Variants in PTPRG observed in about 807,000 individuals in gnomAD.
PTPRG encodes the protein protein tyrosine phosphatase receptor type G.
In PTPRG, 102 loss-of-function variants were observed where a neutral mutation model predicts 165.3. The ratio of observed to expected loss-of-function variants is 0.62; its 90% CI spans 0.53 to 0.73. The LOEUF is 0.73. Among genes scored for constraint, PTPRG ranks in the 30% least tolerant of loss-of-function variants. The pLI, the probability that PTPRG is intolerant of heterozygous loss-of-function variation, is 0.00. For missense variants in PTPRG, 1,866 were observed against 1,861.4 expected, an observed-to-expected ratio of 1.00 and a Z score of -0.05; for synonymous variants, 675 against 669.5, an observed-to-expected ratio of 1.01 and a Z score of -0.13.
chr3:62,286,590 G>A (rs59755614), intron 28 of PTPRG, among the ~76,000 whole-genome samples: 2,489 of 151,936 alleles, frequency 0.016, 67 homozygotes, highest in African/African-American at 0.057. Context: ...TACTTCAGGA[G>A]CTTAAAGTAC....
intron 2 of PTPRG, among the ~76,000 whole-genome samples, chr3:61,752,810 A>AAAAAAG (rs2033495014): frequency 6.7e-6 from 1 of 150,312 alleles, no homozygotes; most frequent in African/African-American, 2.5e-5. Flanking sequence ...AAGAAAAAAA[A>AAAAAAG]AAAGAAAATA....
chr3:61,665,050 G>C (rs540561071), intron 1 of PTPRG, among the ~76,000 whole-genome samples: 36 of 152,234 alleles, frequency 2.4e-4, no homozygotes, highest in Middle Eastern at 3.4e-3. Context: ...ACCCTCACAA[G>C]AGGATCCATG....
intron 2 of PTPRG, among the ~76,000 whole-genome samples, chr3:61,768,253 G>A (rs1164984527): frequency 6.6e-6 from 1 of 152,188 alleles, no homozygotes; most frequent in African/African-American, 2.4e-5. Context: ...TCACAGGTAT[G>A]ATGTATGTCT....
chr3:61,728,887 AAAAAAG>A (rs1451930945), intron 1 of PTPRG, among the ~76,000 whole-genome samples: 45 of 151,416 alleles, frequency 3.0e-4, no homozygotes, highest in African/African-American at 7.5e-4. Context: ...AAAAAAAAAA[AAAAAAG>A]AAAGAAAGAA....
At chr3:62,109,735 C>T (rs1014281374) in intron 5 of PTPRG, among the ~76,000 whole-genome samples, 1 of 152,142 alleles carries the variant, frequency 6.6e-6, no homozygotes, top group Non-Finnish European at 1.5e-5. Context: ...ACCAGTGCCA[C>T]TCATCTCAGC....
intron 2 of PTPRG, among the ~76,000 whole-genome samples, chr3:61,917,817 T>C (rs900909947): frequency 2.0e-5 from 3 of 152,104 alleles, no homozygotes; most frequent in African/African-American, 7.2e-5. Context: ...CTTGTAATCC[T>C]AGCTACCAGG....
chr3:61,869,560 T>A (rs2037503268), intron 2 of PTPRG, among the ~76,000 whole-genome samples: 1 of 151,000 alleles, frequency 6.6e-6, no homozygotes, highest in Admixed American at 6.6e-5. Context: ...TCATTAACCC[T>A]CCCCTCCCCT....
At chr3:61,568,727 G>C (rs1297513471) in intron 1 of PTPRG, among the ~76,000 whole-genome samples, 2 of 151,994 alleles carry the variant, frequency 1.3e-5, no homozygotes, top group Non-Finnish European at 2.9e-5. Context: ...GGCCAATATA[G>C]TGAAACCCTG....
At chr3:61,950,828 G>C (rs374041695) in intron 2 of PTPRG, among the ~76,000 whole-genome samples, 1 of 152,232 alleles carries the variant, frequency 6.6e-6, no homozygotes, top group African/African-American at 2.4e-5. Flanking sequence ...AAACTGGGAA[G>C]AGAGCTCAGT....
chr3:62,257,655 C>T (rs1290580645), intron 16 of PTPRG, among the ~76,000 whole-genome samples: 1 of 152,118 alleles, frequency 6.6e-6, no homozygotes, highest in Non-Finnish European at 1.5e-5. Context: ...TCCAGACTCT[C>T]ATTAAAGTAG....
intron 2 of PTPRG, among the ~76,000 whole-genome samples, chr3:61,906,778 TGTAGGTAGGTAGGTAGGTAG>T (rs71123239): frequency 0.12 from 17,187 of 146,892 alleles, 1,666 homozygotes; most frequent in African/African-American, 0.26. Context: ...AGTGAGACCC[TGTAGGTAGGTAGGTAGGTAG>T]GTAGGTAGGT....
rs1700535044 is a variant in PTPRG at position 62,217,256 on chromosome 3, A to G, written c.2156-1595A>G. On this transcript the variant is annotated intron_variant, in intron 12 of 29. Coordinates refer to ENST00000474889, the MANE Select transcript of PTPRG (RefSeq NM_002841.4). This position sits in a 1 kb window ranked among gnomAD's most constrained non-coding sequence, Gnocchi z 4.3. The stretch of plus-strand genomic sequence containing the variant: ...GCAAAGTGCTCTGTGGAGGTTTTTA[A>G]TCAGAGTGTGCTGCACCTACTTGAC... Among the ~76,000 whole-genome samples the G allele has an allele frequency of 6.6e-6, 1 of 152,160 alleles. No homozygotes were observed. The highest frequency in any genetic ancestry group is 2.4e-5 in the African/African-American group (1 of 41,424).
chr3:62,100,128 C>T (rs1159095086), intron 5 of PTPRG, among the ~76,000 whole-genome samples: 1 of 151,892 alleles, frequency 6.6e-6, no homozygotes, highest in Non-Finnish European at 1.5e-5. Context: ...GGTCACATAC[C>T]TAATAAGTGG....
At chr3:61,569,818 A>G (rs1700014040) in intron 1 of PTPRG, among the ~76,000 whole-genome samples, 1 of 152,220 alleles carries the variant, frequency 6.6e-6, no homozygotes, top group Non-Finnish European at 1.5e-5. Flanking sequence ...AAGATTACTA[A>G]CAGGTTACAT....
At position 61,686,203 on chromosome 3, in the gene PTPRG, C is replaced by T. The variant is rs112818656; in HGVS notation, c.86-62675C>T. 1.9e-3 allele frequency among the ~76,000 whole-genome samples: 288 copies of T among 152,280 alleles called. 2 individuals are homozygous for T. Among genetic ancestry groups the T allele is most frequent in the African/African-American group, 6.7e-3 (278 of 41,550 alleles). ...ATTAAGGTTCTCTAGGACCACTTAC[C>T]TCAGGAGTGGCAGAGATGGGACCTC... is the stretch of plus-strand genomic sequence containing the variant. On this transcript the variant is annotated intron_variant, in intron 1 of 29. Transcript: ENST00000474889.
At chr3:62,103,637 T>C (rs139543743) in intron 5 of PTPRG, among the ~76,000 whole-genome samples, 194 of 152,352 alleles carry the variant, frequency 1.3e-3, no homozygotes, top group Non-Finnish European at 2.3e-3. Context: ...TTCATTCTGA[T>C]GTCATTTTGT....
chr3:61,907,071 AGTT>A (rs2038675111), intron 2 of PTPRG, among the ~76,000 whole-genome samples: 1 of 152,136 alleles, frequency 6.6e-6, no homozygotes, highest in African/African-American at 2.4e-5. Flanking sequence ...TTTTGCAAGA[AGTT>A]GTTATTTGGG....
At chr3:61,914,378 C>A (rs751179756) in intron 2 of PTPRG, among the ~76,000 whole-genome samples, 10 of 152,130 alleles carry the variant, frequency 6.6e-5, no homozygotes, top group Non-Finnish European at 1.0e-4. Context: ...ATTTCTGCTC[C>A]CTGCTCATTT....
chr3:62,203,847 G>A lies in PTPRG; in HGVS notation c.2052G>A (p.Gln684=), dbSNP rs997571527. 1.2e-6 allele frequency: 2 copies of A among 1,614,172 alleles called. No homozygotes were observed. Among genetic ancestry groups the A allele is most frequent in the African/African-American group, 2.7e-5 (2 of 75,064 alleles). Residue 684 remains glutamine, a synonymous_variant, in exon 12 of 30, where the codon CAG becomes CAA. Coordinates refer to ENST00000474889, the MANE Select transcript of PTPRG (RefSeq NM_002841.4). The surrounding 1 kb of genome is among the most constrained non-coding windows in gnomAD (Gnocchi z 6.4). ...TGCCCCCCACCGCCACAGAGGAGCA[G>A]TATGCAGGGAGTGATCCCAAGAGGC... ...TQVPPTATEE[Q]YAGSDPKRPE...
Sources: allele counts gnomAD v4.1 joint callset (sites outside exome capture counted in the v4.1 genomes callset), GRCh38; gene constraint gnomAD v4.1.1; non-coding constraint Gnocchi (gnomAD v3.1); transcripts MANE v1.5; gene names NCBI Gene and HGNC (gene_info 2026-07-23, HGNC 2026-07-21).